The following BZW2 variants were observed in gnomAD, a reference collection of about 807,000 sequenced individuals.
BZW2 encodes basic leucine zipper and W2 domains 2, also known as eIF5-mimic protein 1.
BZW2 carries 23 observed loss-of-function variants against 53.2 expected under a neutral mutation model. The ratio of observed to expected loss-of-function variants is 0.43; its 90% CI spans 0.31 to 0.61. BZW2 has a LOEUF of 0.61. Ranked by LOEUF, BZW2 falls within the 20% of genes least tolerant of loss-of-function variation. The pLI is 0.09. For missense variants in BZW2, 409 were observed against 503.1 expected (o/e 0.81, Z 1.79); for synonymous variants, 227 against 186.4 (o/e 1.22, Z -1.77).
At chr7:16,660,479 T>C (rs540600349) in intron 1 of BZW2, among the ~76,000 whole-genome samples, 70 of 151,756 alleles carry the variant, frequency 4.6e-4, no homozygotes, top group Non-Finnish European at 7.2e-4. Flanking sequence ...CTTTGGAATG[T>C]GGTAATTTTT....
At position 16,658,892 on chromosome 7, in the gene BZW2, T is replaced by C. The variant is rs559674151; in HGVS notation, c.-7-6545T>C. On this transcript the variant is annotated intron_variant, in intron 1 of 11. Coordinates refer to ENST00000258761, the MANE Select transcript of BZW2 (RefSeq NM_014038.3). ...TCCGTCTCAGAAAAATGTATATATA[T>C]ATATATATTTATATGTTGCTGTCAT... 2.7e-5 allele frequency among the ~76,000 whole-genome samples: 4 copies of C among 150,614 alleles called. No homozygotes were observed. In the East Asian group the frequency reaches 7.8e-4, roughly 29 times the overall value.
chr7:16,682,104 G>C (rs17169581), intron 4 of BZW2, among the ~76,000 whole-genome samples: 11,437 of 152,028 alleles, frequency 0.075, 478 homozygotes, highest in East Asian at 0.19. Context: ...GATTACATTA[G>C]GAAACGAATA....
intron 6 of BZW2, chr7:16,687,085 T>A (rs1471022077): frequency 6.6e-6 from 1 of 152,206 alleles, no homozygotes; most frequent in South Asian, 2.1e-4. Flanking sequence ...CAGAAAATAA[T>A]TGCCTTTCTA....
intron 1 of BZW2, among the ~76,000 whole-genome samples, chr7:16,647,674 C>G (rs948231001): frequency 6.6e-6 from 1 of 152,168 alleles, no homozygotes; most frequent in Admixed American, 6.5e-5. Context: ...AGTAGTAAGG[C>G]TCCTGAGAGT....
At chr7:16,671,946 A>AAAAAAAAAAAAAAC (rs1782615063) in intron 2 of BZW2, among the ~76,000 whole-genome samples, 1 of 151,866 alleles carries the variant, frequency 6.6e-6, no homozygotes. Context: ...AAAAAAAAAA[A>AAAAAAAAAAAAAAC]ATCGGAACAC....
intron 1 of BZW2, among the ~76,000 whole-genome samples, chr7:16,653,757 G>T (rs1782045603): frequency 6.6e-6 from 1 of 152,066 alleles, no homozygotes; most frequent in South Asian, 2.1e-4. Context: ...TTTCTAAAAG[G>T]TTACATAGGA....
intron 1 of BZW2, among the ~76,000 whole-genome samples, chr7:16,657,216 A>T (rs1203181397): frequency 1.3e-5 from 2 of 152,228 alleles, no homozygotes; most frequent in African/African-American, 4.8e-5. Flanking sequence ...ATTTTACAGA[A>T]AATATAGACA....
Position 16,674,775 on chromosome 7 carries a change from T to C in BZW2, c.235+187T>C, listed in dbSNP as rs188990994. 6.8e-3 allele frequency among the ~76,000 whole-genome samples: 1,033 copies of C among 152,294 alleles called. 7 individuals carry two copies. The highest frequency in any genetic ancestry group is 0.01 in the Middle Eastern group (3 of 294). ...ATTAATGCAGATGTGAAATGATTAT[T>C]GGTTAATAGAAGCATAGAATGGAGG... On this transcript the variant is annotated intron_variant, in intron 3 of 11. Coordinates refer to ENST00000258761, the MANE Select transcript of BZW2 (RefSeq NM_014038.3).
chr7:16,677,909 A>G (rs1782815550), intron 3 of BZW2, among the ~76,000 whole-genome samples: 1 of 152,112 alleles, frequency 6.6e-6, no homozygotes, highest in Admixed American at 6.5e-5. Flanking sequence ...CTATACATTC[A>G]AGAAGAACAT....
intron 5 of BZW2, 64 bp from the exon 6 acceptor site, chr7:16,685,841 A>G (rs1783098621): frequency 6.8e-7 from 1 of 1,468,140 alleles, no homozygotes; most frequent in Non-Finnish European, 8.9e-7. Context: ...CCTTTGCTTC[A>G]TAGACATGGT....
At chr7:16,701,753 A>G (rs568770668) in intron 10 of BZW2, among the ~76,000 whole-genome samples, 1 of 152,310 alleles carries the variant, frequency 6.6e-6, no homozygotes, top group African/African-American at 2.4e-5. Flanking sequence ...AATCGATACT[A>G]TAGGGCAGGT....
At chr7:16,652,337 G>T (rs1348644277) in intron 1 of BZW2, among the ~76,000 whole-genome samples, 1 of 152,092 alleles carries the variant, frequency 6.6e-6, no homozygotes, top group East Asian at 1.9e-4. Context: ...TAAACATACT[G>T]GAGACAATCA....
intron 9 of BZW2, among the ~76,000 whole-genome samples, chr7:16,697,841 C>T (rs1432531700): frequency 1.3e-5 from 2 of 152,150 alleles, no homozygotes; most frequent in African/African-American, 2.4e-5. Context: ...GAATCTTCTT[C>T]CCAGTTCCCT....
intron 4 of BZW2, among the ~76,000 whole-genome samples, chr7:16,682,366 C>T (rs1164293953): frequency 6.6e-6 from 1 of 152,154 alleles, no homozygotes; most frequent in Non-Finnish European, 1.5e-5. Context: ...TGCTCATCTG[C>T]TAGAAACATG....
At chr7:16,688,714 C>T (rs182029333) in intron 6 of BZW2, 6 of 152,230 alleles carry the variant, frequency 3.9e-5, no homozygotes, top group East Asian at 1.9e-4. Flanking sequence ...ATTAAATAAC[C>T]GCAACATAAA....
chr7:16,694,874 C>G lies in BZW2; in HGVS notation c.692C>G (p.Ala231Gly). The change falls in exon 8 of 12, where the codon GCT (alanine) becomes GGT (glycine). Residue 231 changes from alanine to glycine, a missense_variant. Around this residue, in one of 3 missense-constraint regions of BZW2, gnomAD observed 316 missense variants for 366.8 expected, o/e 0.86. Coordinates refer to ENST00000258761, the MANE Select transcript of BZW2 (RefSeq NM_014038.3). ...AACAGACAGAGTGTGGATCATTTTG[C>G]TAAATACTTCACTGACGCAGGTCTT... Reference protein sequence around the residue: ...PVNRQSVDHFAKYFTDAGLKE... With the variant: ...PVNRQSVDHFGKYFTDAGLKE... The G allele has an allele frequency of 6.4e-7, 1 of 1,560,572 alleles. No homozygotes were observed. Among genetic ancestry groups the G allele is most frequent in the African/African-American group, 1.3e-5 (1 of 74,430 alleles).
intron 1 of BZW2, among the ~76,000 whole-genome samples, chr7:16,656,573 A>G (rs888149254): frequency 6.6e-6 from 1 of 151,968 alleles, no homozygotes; most frequent in East Asian, 1.9e-4. Flanking sequence ...ACACACACAC[A>G]CACACACACA....
At chr7:16,657,888 C>G (rs748066774) in intron 1 of BZW2, among the ~76,000 whole-genome samples, 2 of 152,100 alleles carry the variant, frequency 1.3e-5, no homozygotes, top group Non-Finnish European at 1.5e-5. Flanking sequence ...ACATTTCAGA[C>G]CTAAGGGTCT....
At chr7:16,699,760 A>C (rs1291562466) in intron 10 of BZW2, among the ~76,000 whole-genome samples, 1 of 152,154 alleles carries the variant, frequency 6.6e-6, no homozygotes, top group Non-Finnish European at 1.5e-5. Flanking sequence ...AAAATCCTTC[A>C]GATTTCTCAT....
Sources: allele counts gnomAD v4.1 joint callset (sites outside exome capture counted in the v4.1 genomes callset), GRCh38; gene constraint gnomAD v4.1.1; regional missense constraint gnomAD v4.1.1; transcripts MANE v1.5; gene names NCBI Gene and HGNC (gene_info 2026-07-23, HGNC 2026-07-21).